The following TAF1 variants were observed in gnomAD, a reference collection of about 807,000 sequenced individuals.
TAF1 encodes the protein transcription initiation factor TFIID subunit 1.
In TAF1, 2 loss-of-function variants were observed where a neutral mutation model predicts 138.5. That is an observed-to-expected ratio of 0.01 (90% confidence interval 0.01 to 0.05). The LOEUF is 0.05. TAF1 is among the 10% of genes least tolerant of loss of function. The pLI, the probability that TAF1 is intolerant of heterozygous loss-of-function variation, is 1.00. For missense variants in TAF1, 709 were observed against 1,478.0 expected (o/e 0.48, Z 8.53); for synonymous variants, 437 against 503.2 (o/e 0.87, Z 1.76).
chrX:71,384,708 A>G (rs764381975), intron 13 of TAF1, among the ~76,000 whole-genome samples: 4 of 111,632 alleles, frequency 3.6e-5, no homozygotes, highest in South Asian at 7.4e-4. Flanking sequence ...TGCCCGGCCA[A>G]TCCTAAACTT....
intron 28 of TAF1, among the ~76,000 whole-genome samples, chrX:71,415,160 CAG>C (rs1176836407): frequency 1.6e-3 from 25 of 16,076 alleles, no homozygotes; most frequent in East Asian, 3.6e-3. Context: ...TTTTTTTTGG[CAG>C]AGTCTTGCTC....
intron 32 of TAF1, among the ~76,000 whole-genome samples, chrX:71,450,296 G>A (rs188413825): frequency 1.0e-4 from 11 of 109,315 alleles, no homozygotes; most frequent in African/African-American, 3.7e-4. Context: ...TCTGCCTCCC[G>A]GGTTCAAGTG....
intron 28 of TAF1, among the ~76,000 whole-genome samples, chrX:71,420,922 A>G (rs1239956758): frequency 1.8e-5 from 2 of 112,149 alleles, no homozygotes; most frequent in Non-Finnish European, 3.8e-5. Context: ...CAGGCACAAG[A>G]TGGCGCCACC....
chrX:71,379,135 GAC>G (rs2033692308), intron 8 of TAF1, 104 bp downstream of exon 8: 2 of 795,763 alleles, frequency 2.5e-6, no homozygotes, highest in Non-Finnish European at 3.4e-6. Flanking sequence ...TTTTCGGTGA[GAC>G]AGAGTTTCGC....
In TAF1 at chrX:71,464,170, A is replaced by G. The variant is rs776575445; in HGVS notation, c.*124A>G. 1.5e-4 allele frequency: 90 copies of G among 609,915 alleles called. No individual in the cohort carries two copies. In the African/African-American group the frequency reaches 1.8e-3, roughly 12 times the overall value. 50.3% of individuals were successfully genotyped at this position (609,915 alleles called of 1,213,427 possible). A position where few individuals can be genotyped will look rare whatever the true frequency, so the allele number is the denominator to read the frequency against. ...AAATCATGAAATTAACTAACACCTT[A>G]GCCTTTTTAAAAGTAGTAAGTAAAT... On this transcript the variant is annotated 3_prime_UTR_variant, in exon 38 of 38. Coordinates refer to ENST00000423759, the MANE Select transcript of TAF1 (RefSeq NM_004606.5).
intron 32 of TAF1, among the ~76,000 whole-genome samples, chrX:71,442,574 T>A (rs1207403876): frequency 8.9e-6 from 1 of 112,185 alleles, no homozygotes; most frequent in Non-Finnish European, 1.9e-5. Flanking sequence ...CTTTGTCAGA[T>A]GGGTAGATTG....
intron 35 of TAF1, chrX:71,459,299 A>T (rs1292524323): frequency 2.3e-5 from 26 of 1,116,695 alleles, no homozygotes; most frequent in Non-Finnish European, 2.9e-5. Flanking sequence ...CCCTTATATG[A>T]TAGGAGCCCC....
intron 4 of TAF1, among the ~76,000 whole-genome samples, chrX:71,375,826 A>G (rs2033434480): frequency 8.9e-6 from 1 of 112,541 alleles, no homozygotes; most frequent in Admixed American, 9.5e-5. Context: ...CTGGGATTAC[A>G]GGCGTGAGCC....
intron 13 of TAF1, among the ~76,000 whole-genome samples, chrX:71,513,361 T>G (rs1174658977): frequency 9.0e-6 from 1 of 111,686 alleles, no homozygotes; most frequent in Non-Finnish European, 1.9e-5. Flanking sequence ...TGGATGTAAA[T>G]GCAGTGTTGC....
At chrX:71,402,570 A>C (rs1292234481) in intron 25 of TAF1, among the ~76,000 whole-genome samples, 2 of 112,435 alleles carry the variant, frequency 1.8e-5, no homozygotes, top group African/African-American at 6.5e-5. Flanking sequence ...CCATCCCAAA[A>C]GATGGATGAG....
intron 32 of TAF1, among the ~76,000 whole-genome samples, chrX:71,427,915 G>A (rs752507004): frequency 1.9e-5 from 2 of 103,771 alleles, no homozygotes; most frequent in Non-Finnish European, 4.0e-5. Flanking sequence ...CTCCAGCCTG[G>A]GTGATAGAGT....
At chrX:71,468,654 C>T (rs966184080), downstream of TAF1, among the ~76,000 whole-genome samples, 1 of 102,763 alleles carries the variant, frequency 9.7e-6, no homozygotes, top group Non-Finnish European at 2.0e-5. Flanking sequence ...CACTGCACTC[C>T]AGCCTGGGCG....
intron 3 of TAF1, among the ~76,000 whole-genome samples, chrX:71,371,300 T>C (rs1313312884): frequency 3.6e-5 from 4 of 111,845 alleles, no homozygotes; most frequent in South Asian, 7.4e-4. Flanking sequence ...TTGGCTCCTT[T>C]GCATGGCTTG....
At chrX:71,450,295 C>T (rs1395066031) in intron 32 of TAF1, among the ~76,000 whole-genome samples, 2 of 109,973 alleles carry the variant, frequency 1.8e-5, no homozygotes, top group African/African-American at 3.3e-5. Flanking sequence ...CTCTGCCTCC[C>T]GGGTTCAAGT....
chrX:71,419,987 T>G, intron 28 of TAF1: 1 of 263,107 alleles, frequency 3.8e-6, no homozygotes, highest in Non-Finnish European at 6.9e-6. Context: ...CCCATCAAGG[T>G]CATCTTCTGT....
chrX:71,519,908 C>A (rs533310361), intron 13 of TAF1, among the ~76,000 whole-genome samples: 2 of 109,465 alleles, frequency 1.8e-5, no homozygotes, highest in East Asian at 2.9e-4. Flanking sequence ...TGCGCTCAAG[C>A]GATTTTCCTG....
Position 71,398,569 on chromosome X carries a change from C to T in TAF1, c.3621-3C>T. 8.3e-7 allele frequency: 1 copy of T among 1,210,157 alleles called. No individual in the cohort carries two copies. The highest frequency in any genetic ancestry group is 1.1e-6 in the Non-Finnish European group (1 of 895,006). On this transcript the variant is annotated splice_region_variant and splice_polypyrimidine_tract_variant and intron_variant, in intron 23 of 37. Transcript: ENST00000423759. ...TTCTTCCTCTGCTGCTCACACTGTT[C>T]AGTCGAAAATTTGCCCTTTTTGATG...
intron 8 of TAF1, 70 bp downstream of exon 8, chrX:71,379,101 TG>T: frequency 1.2e-6 from 1 of 835,918 alleles, no homozygotes; most frequent in Non-Finnish European, 1.6e-6. Context: ...TGGGCTCAGC[TG>T]TGATTTTTTT....
At position 71,408,157 on chromosome X, in the gene TAF1, A is replaced by G; in HGVS notation, c.4384+6A>G. ...AAATAGTGCAACCTACAATGGTAAG[A>G]ATCAAATGTTCCGTGATTGCAAAGG... is the stretch of plus-strand genomic sequence containing the variant. On this transcript the variant is annotated splice_donor_region_variant and intron_variant, in intron 28 of 37. Coordinates refer to ENST00000423759, the MANE Select transcript of TAF1 (RefSeq NM_004606.5). 8.3e-7 allele frequency: 1 copy of G among 1,209,951 alleles called. No individual in the cohort carries two copies. Among genetic ancestry groups the G allele is most frequent in the Non-Finnish European group, 1.1e-6 (1 of 894,761 alleles).
Sources: allele counts gnomAD v4.1 joint callset (sites outside exome capture counted in the v4.1 genomes callset), GRCh38; gene constraint gnomAD v4.1.1; transcripts MANE v1.5; gene names NCBI Gene and HGNC (gene_info 2026-07-23, HGNC 2026-07-21).